PID1: variants seen among roughly 807,000 people sequenced by gnomAD.
PID1 encodes the protein phosphotyrosine interaction domain containing 1, also known as PTB-containing, cubilin and LRP1-interacting protein.
In PID1, 10 loss-of-function variants were observed where a neutral mutation model predicts 19.1. The ratio of observed to expected loss-of-function variants is 0.52; its 90% CI spans 0.32 to 0.89. PID1 has a LOEUF of 0.89. Among genes scored for constraint, PID1 ranks in the 40% least tolerant of loss-of-function variants. The pLI is 0.03. For synonymous variants in PID1, 130 were observed against 116.0 expected, an observed-to-expected ratio of 1.12 and a Z score of -0.78; for missense variants, 248 against 285.3, an observed-to-expected ratio of 0.87 and a Z score of 0.94.
At chr2:229,211,474 A>G (rs934019102) in intron 1 of PID1, among the ~76,000 whole-genome samples, 1 of 152,212 alleles carries the variant, frequency 6.6e-6, no homozygotes, top group Non-Finnish European at 1.5e-5. Flanking sequence ...TAAACAGACT[A>G]CACGAGTAAA....
intron 1 of PID1, among the ~76,000 whole-genome samples, chr2:229,209,619 T>C (rs1227312307): frequency 6.6e-6 from 1 of 152,202 alleles, no homozygotes; most frequent in African/African-American, 2.4e-5. Flanking sequence ...AAATTAAACA[T>C]TGATCATGTT....
At chr2:229,219,364 A>T (rs1691915010) in intron 1 of PID1, among the ~76,000 whole-genome samples, 1 of 152,154 alleles carries the variant, frequency 6.6e-6, no homozygotes, top group Non-Finnish European at 1.5e-5. Flanking sequence ...CAGCAAGGAG[A>T]AGTGCAGAGA....
At chr2:229,233,342 C>T (rs1302523618) in intron 1 of PID1, among the ~76,000 whole-genome samples, 10 of 150,348 alleles carry the variant, frequency 6.7e-5, no homozygotes, top group Admixed American at 6.6e-4. Flanking sequence ...GGCCAGCTGG[C>T]ATGTCATCAT....
At chr2:229,047,639 T>C (rs1276156429) in intron 2 of PID1, among the ~76,000 whole-genome samples, 1 of 152,214 alleles carries the variant, frequency 6.6e-6, no homozygotes, top group Non-Finnish European at 1.5e-5. Context: ...GCCTAATGTA[T>C]GAAGTCATTA....
rs182253240 is a variant in PID1 at position 229,083,413 on chromosome 2, T to C, written c.178-57305A>G. 3.9e-5 allele frequency among the ~76,000 whole-genome samples: 6 copies of C among 152,178 alleles called. No homozygotes were observed. The South Asian group carries it at 1.2e-3, about 32-fold the overall frequency. On this transcript the variant is annotated intron_variant, in intron 2 of 2. Transcript: ENST00000392055. ...AAAGAATTTTTTTTAAGATCTAATG[T>C]TACTAGCAAATAGGATGCTAAATTA...
intron 2 of PID1, among the ~76,000 whole-genome samples, chr2:229,027,127 A>C (rs977088022): frequency 2.0e-5 from 3 of 152,242 alleles, no homozygotes; most frequent in Non-Finnish European, 4.4e-5. Flanking sequence ...GAGAACTGAG[A>C]GGGGACATTT....
chr2:229,202,340 A>G (rs1481900672), intron 1 of PID1, among the ~76,000 whole-genome samples: 1 of 152,076 alleles, frequency 6.6e-6, no homozygotes, highest in Non-Finnish European at 1.5e-5. Context: ...CACTCCTCTC[A>G]TTGAGTCTTA....
intron 1 of PID1, among the ~76,000 whole-genome samples, chr2:229,190,869 T>C (rs1218466227): frequency 6.6e-6 from 1 of 152,284 alleles, no homozygotes; most frequent in African/African-American, 2.4e-5. Flanking sequence ...AGGGACCACA[T>C]CACCCCCATA....
intron 1 of PID1, among the ~76,000 whole-genome samples, chr2:229,169,762 A>C (rs1690673595): frequency 6.6e-6 from 1 of 152,188 alleles, no homozygotes; most frequent in Non-Finnish European, 1.5e-5. Flanking sequence ...CTCCCTGACA[A>C]ATAAATGTGG....
chr2:229,042,104 G>T (rs1425290811), intron 2 of PID1, among the ~76,000 whole-genome samples: 1 of 152,126 alleles, frequency 6.6e-6, no homozygotes, highest in Non-Finnish European at 1.5e-5. Context: ...ACCATACTCT[G>T]AAGTACGGAG....
At chr2:229,241,891 A>G (rs1483071885) in intron 1 of PID1, among the ~76,000 whole-genome samples, 3 of 152,170 alleles carry the variant, frequency 2.0e-5, no homozygotes, top group African/African-American at 7.2e-5. Flanking sequence ...CTTTTGACAA[A>G]TTCATAAACC....
chr2:229,174,199 G>C (rs1180926910), intron 1 of PID1, among the ~76,000 whole-genome samples: 1 of 152,204 alleles, frequency 6.6e-6, no homozygotes, highest in Non-Finnish European at 1.5e-5. Context: ...GATTCAGACT[G>C]TGGTGTAAGA....
chr2:229,085,346 G>A (rs1694744054), intron 2 of PID1, among the ~76,000 whole-genome samples: 1 of 151,950 alleles, frequency 6.6e-6, no homozygotes, highest in South Asian at 2.1e-4. Context: ...CTCATCAATT[G>A]ATTCTAGAGT....
rs374622113 is a variant in PID1, at chr2:229,163,674, T to TGTGTGTGTGCGCGCGC, written c.31-7711_31-7710insGCGCGCGCACACACAC. ...GAGTGTGTGTGTGTGTGTGTGTGTG[T>TGTGTGTGTGCGCGCGC]GCGTGTGCGTGTGTGTGTGTGTATA... On this transcript the variant is annotated intron_variant, in intron 1 of 2. Transcript: ENST00000392055. Among the ~76,000 whole-genome samples the TGTGTGTGTGCGCGCGC allele has an allele frequency of 1.0e-3, 97 of 94,482 alleles. 1 individual carries two copies. Among genetic ancestry groups the TGTGTGTGTGCGCGCGC allele is most frequent in the African/African-American group, 2.9e-3 (94 of 32,316 alleles). 62.0% of individuals were successfully genotyped at this position (94,482 alleles called of 152,430 possible).
At chr2:229,166,808 A>G (rs1690606756) in intron 1 of PID1, among the ~76,000 whole-genome samples, 1 of 152,176 alleles carries the variant, frequency 6.6e-6, no homozygotes, top group South Asian at 2.1e-4. Flanking sequence ...TGCTCATAAA[A>G]TGATGAGGAC....
chr2:229,228,455 A>G (rs538203209), intron 1 of PID1, among the ~76,000 whole-genome samples: 1 of 152,322 alleles, frequency 6.6e-6, no homozygotes, highest in Non-Finnish European at 1.5e-5. Flanking sequence ...AATTTGATTG[A>G]TTTTACCATT....
chr2:229,056,410 T>C (rs906806135), intron 2 of PID1, among the ~76,000 whole-genome samples: 1 of 152,140 alleles, frequency 6.6e-6, no homozygotes, highest in Non-Finnish European at 1.5e-5. Flanking sequence ...CCGACTTGCC[T>C]TTGATCTCTG....
intron 2 of PID1, among the ~76,000 whole-genome samples, chr2:229,092,287 G>T (rs2109820): frequency 0.84 from 128,525 of 152,120 alleles, 54,545 homozygotes; most frequent in Middle Eastern, 0.92. Flanking sequence ...CAGCATGACT[G>T]TAAGAAGTAG....
At chr2:229,204,726 G>A (rs910261847) in intron 1 of PID1, among the ~76,000 whole-genome samples, 3 of 152,212 alleles carry the variant, frequency 2.0e-5, no homozygotes, top group African/African-American at 4.8e-5. Context: ...TCAACCTGTG[G>A]CTTTGTAACC....
Sources: allele counts gnomAD v4.1 joint callset (sites outside exome capture counted in the v4.1 genomes callset), GRCh38; gene constraint gnomAD v4.1.1; transcripts MANE v1.5; gene names NCBI Gene and HGNC (gene_info 2026-07-23, HGNC 2026-07-21).